EFR3B: variants seen among roughly 807,000 people sequenced by gnomAD.
The protein encoded by EFR3B is EFR3 homolog B.
A neutral mutation model predicts 104.7 loss-of-function variants in EFR3B; 64 were observed. The observed-to-expected ratio is 0.61, with a 90% CI of 0.50 to 0.75. The LOEUF is 0.75. Ranked by LOEUF, EFR3B falls within the 30% of genes least tolerant of loss-of-function variation. The pLI, the probability that EFR3B is intolerant of heterozygous loss-of-function variation, is 0.00. For missense variants in EFR3B, 750 were observed against 1,078.5 expected, an observed-to-expected ratio of 0.70 and a Z score of 4.27; for synonymous variants, 385 against 417.9, an observed-to-expected ratio of 0.92 and a Z score of 0.96.
chr2:25,076,515 A>G (rs947729565), intron 1 of EFR3B, among the ~76,000 whole-genome samples: 2 of 152,200 alleles, frequency 1.3e-5, no homozygotes, highest in Non-Finnish European at 2.9e-5. Context: ...ACCAAGGCAC[A>G]CAAGATTGTA....
intron 3 of EFR3B, 59 bp downstream of exon 3, chr2:25,093,189 A>T (rs1669180911): frequency 1.3e-6 from 2 of 1,527,584 alleles, no homozygotes; most frequent in Admixed American, 4.1e-5. Flanking sequence ...TAGGCTAAAC[A>T]TAGGGTCCTT....
intron 11 of EFR3B, 111 bp downstream of exon 11, chr2:25,133,125 T>C: frequency 2.8e-6 from 3 of 1,063,692 alleles, no homozygotes; most frequent in East Asian, 2.6e-5. Context: ...GCTCTCTTTT[T>C]ACTCCCAAAT....
At position 25,130,013 on chromosome 2, in the gene EFR3B, A is replaced by C. The variant is rs1478519529; in HGVS notation, c.674A>C (p.Lys225Thr). The change falls in exon 7 of 23, where the codon AAA (lysine) becomes ACA (threonine). Residue 225 changes from lysine (K) to threonine (T), a missense_variant. Coordinates refer to ENST00000403714, the MANE Select transcript of EFR3B (RefSeq NM_014971.2). The surrounding 1 kb of genome is among the most constrained non-coding windows in gnomAD (Gnocchi z 4.6). ...CCCCTCCAAGCACCTGAGAAGGAGA[A>C]AGAGAGCCCCGCGGAGCTGGCTGAG... ...PSPLQAPEKEKESPAELAERC... is the reference protein window; with the variant it reads ...PSPLQAPEKETESPAELAERC... 1 of 1,551,590 alleles carries C rather than the reference A, an allele frequency of 6.4e-7. No individual in the cohort carries two copies. Among genetic ancestry groups the C allele is most frequent in the African/African-American group, 1.4e-5 (1 of 73,034 alleles).
At chr2:25,043,803 G>A (rs1037170025) in intron 1 of EFR3B, among the ~76,000 whole-genome samples, 1 of 152,166 alleles carries the variant, frequency 6.6e-6, no homozygotes, top group Non-Finnish European at 1.5e-5. Context: ...TTCTGCAGAG[G>A]TAGCAGCCTG....
intron 3 of EFR3B, among the ~76,000 whole-genome samples, chr2:25,094,459 C>T (rs1051708154): frequency 6.6e-6 from 1 of 152,142 alleles, no homozygotes; most frequent in Non-Finnish European, 1.5e-5. Flanking sequence ...GAGCCACAAA[C>T]AAGCGACTTA....
chr2:25,050,271 G>A (rs918140302), intron 1 of EFR3B, among the ~76,000 whole-genome samples: 2 of 152,180 alleles, frequency 1.3e-5, no homozygotes, highest in Non-Finnish European at 2.9e-5. Flanking sequence ...CAAGCTGGGG[G>A]CAGCTGTGCA....
chr2:25,129,898 C>A (rs2149204795), intron 6 of EFR3B, 77 bp from the exon 7 acceptor site: 1 of 1,504,806 alleles, frequency 6.6e-7, no homozygotes, highest in East Asian at 2.5e-5. Flanking sequence ...GTGGATGAAA[C>A]ACGGAAAGCC....
intron 1 of EFR3B, among the ~76,000 whole-genome samples, chr2:25,045,767 G>C (rs1258835551): frequency 1.3e-5 from 2 of 151,110 alleles, no homozygotes; most frequent in Non-Finnish European, 2.9e-5. Context: ...TGGGAGACAA[G>C]AGCGAGACTC....
chr2:25,102,807 T>A (rs1455936320), intron 3 of EFR3B, among the ~76,000 whole-genome samples: 2 of 152,270 alleles, frequency 1.3e-5, no homozygotes, highest in East Asian at 3.9e-4. Flanking sequence ...GTTTAAGTAA[T>A]TTAAAGACTT....
chr2:25,140,138 C>A (rs959517696), intron 16 of EFR3B, among the ~76,000 whole-genome samples: 3 of 152,018 alleles, frequency 2.0e-5, no homozygotes, highest in Admixed American at 2.0e-4. Flanking sequence ...CATGGTGAAC[C>A]CCCGTCTCTA....
At chr2:25,069,860 C>G (rs1668446361) in intron 1 of EFR3B, among the ~76,000 whole-genome samples, 1 of 152,176 alleles carries the variant, frequency 6.6e-6, no homozygotes, top group Non-Finnish European at 1.5e-5. Context: ...CCACGCCTGG[C>G]TAATTTTTTT....
rs1270787623 is a variant in EFR3B, at chr2:25,099,047, A to G, written c.213-4590A>G. On this transcript the variant is annotated intron_variant, in intron 3 of 22. Transcript: ENST00000403714. ...GCTGCAGATCCCTTCATACAGAAGGACGCTGGGATGATTCGTAAGGGAAGA... is the reference window on the plus strand; with the variant it reads ...GCTGCAGATCCCTTCATACAGAAGGGCGCTGGGATGATTCGTAAGGGAAGA... 2.6e-5 allele frequency among the ~76,000 whole-genome samples: 4 copies of G among 152,062 alleles called. No individual in the cohort carries two copies. In the East Asian group the frequency reaches 7.7e-4, roughly 29 times the overall value.
At chr2:25,141,208 T>C (rs1430009206) in intron 16 of EFR3B, among the ~76,000 whole-genome samples, 158 bp from the exon 17 acceptor site, 1 of 152,170 alleles carries the variant, frequency 6.6e-6, no homozygotes, top group African/African-American at 2.4e-5. Flanking sequence ...AGGGTCCCTG[T>C]TGATGCGAGT....
chr2:25,065,986 A>G (rs1457205597), intron 1 of EFR3B, among the ~76,000 whole-genome samples: 2 of 151,992 alleles, frequency 1.3e-5, no homozygotes, highest in Admixed American at 1.3e-4. Flanking sequence ...CTGGTCCTCT[A>G]CTCTGATCAC....
Position 25,058,775 on chromosome 2 carries a change from C to CCA in EFR3B, c.7+16456_7+16457insCA, listed in dbSNP as rs1491513048. 7.6e-4 allele frequency among the ~76,000 whole-genome samples: 79 copies of CCA among 104,192 alleles called. 2 individuals are homozygous for CCA. The highest frequency in any genetic ancestry group is 2.5e-3 in the African/African-American group (70 of 28,484). 68.4% of individuals were successfully genotyped at this position (104,192 alleles called of 152,430 possible). ...CTCTGTCTCCCCGCGCCCCCCCCCC[C>CCA]AAAAAAAAAAACAATAACCAAGTGT... On this transcript the variant is annotated intron_variant, in intron 1 of 22. Transcript: ENST00000403714.
In EFR3B at chr2:25,143,808, G is replaced by A; in HGVS notation, c.1996G>A (p.Gly666Ser). Residue 666 changes from glycine to serine, a missense_variant, in exon 18 of 23, where the codon GGC (glycine) becomes AGC (serine). Coordinates refer to ENST00000403714, the MANE Select transcript of EFR3B (RefSeq NM_014971.2). ...GAGCAAGATCAGTGAAGTCCTGGGA[G>A]GCAGTGGCTACAACTCGGACCGGCT... ...RQSKISEVLG[G>S]SGYNSDRLCL... 1 of 1,551,698 alleles carries A rather than the reference G, an allele frequency of 6.4e-7. No homozygotes were observed. Among genetic ancestry groups the A allele is most frequent in the Non-Finnish European group, 8.7e-7 (1 of 1,146,992 alleles).
intron 5 of EFR3B, among the ~76,000 whole-genome samples, chr2:25,127,694 C>T (rs1169690715): frequency 1.3e-5 from 2 of 152,204 alleles, no homozygotes; most frequent in Non-Finnish European, 2.9e-5. Flanking sequence ...TGTGCTGTTA[C>T]TCAGTTTCCC....
intron 1 of EFR3B, among the ~76,000 whole-genome samples, chr2:25,046,650 T>C (rs556589847): frequency 4.6e-5 from 7 of 150,642 alleles, no homozygotes; most frequent in South Asian, 2.1e-4. Context: ...ACTACAGGCG[T>C]CCACCACCTC....
rs370563805 is a variant in EFR3B at position 25,062,315 on chromosome 2, C to CT, written c.7+19999dup. The stretch of plus-strand genomic sequence containing the variant: ...CCAGTGGGTTGACTGGAAAGGGGGA[C>CT]TTTGTGAGGGGATTAGCAATGTCCT... On this transcript the variant is annotated intron_variant, in intron 1 of 22. Coordinates refer to ENST00000403714, the MANE Select transcript of EFR3B (RefSeq NM_014971.2). Among the ~76,000 whole-genome samples, 285 of 152,192 alleles carry CT rather than the reference C, an allele frequency of 1.9e-3. 2 individuals are homozygous for CT. The highest frequency in any genetic ancestry group is 6.5e-3 in the African/African-American group (268 of 41,504).
Sources: gnomAD v4.1 joint callset for allele counts (sites outside exome capture counted in the v4.1 genomes callset) on GRCh38, gnomAD v4.1.1 for gene constraint, Gnocchi (gnomAD v3.1) non-coding constraint, MANE v1.5 for transcripts, NCBI Gene and HGNC (gene_info 2026-07-23, HGNC 2026-07-21) for gene names.